The following MFSD6 variants were observed in gnomAD, a reference collection of about 807,000 sequenced individuals.
The protein encoded by MFSD6 is major facilitator superfamily domain containing 6, also known as major facilitator superfamily domain-containing protein 6.
MFSD6 carries 26 observed loss-of-function variants against 56.3 expected under a neutral mutation model. That is an observed-to-expected ratio of 0.46 (90% CI 0.34 to 0.64). The LOEUF is 0.64. Ranked by LOEUF, MFSD6 falls within the 30% of genes least tolerant of loss-of-function variation. The pLI, the probability that MFSD6 is intolerant of heterozygous loss-of-function variation, is 0.01. For missense variants in MFSD6, 750 were observed against 986.2 expected, an observed-to-expected ratio of 0.76 and a Z score of 3.21; for synonymous variants, 331 against 366.9, an observed-to-expected ratio of 0.90 and a Z score of 1.12.
At position 190,488,236 on chromosome 2, in the gene MFSD6, G is replaced by A. The variant is rs1031894459; in HGVS notation, c.1631-421G>A. ...ATTTAAATCAAAGACTCAGATACTT[G>A]CATACCAGGTTGATAGCAGCATTAA... On this transcript the variant is annotated intron_variant, in intron 4 of 7. Coordinates refer to ENST00000392328, the MANE Select transcript of MFSD6 (RefSeq NM_017694.4). This position sits in a 1 kb window ranked among gnomAD's most constrained non-coding sequence, Gnocchi z 6.4. Among the ~76,000 whole-genome samples, 14 of 152,202 alleles carry A rather than the reference G, an allele frequency of 9.2e-5. No homozygotes were observed. Among genetic ancestry groups the A allele is most frequent in the Non-Finnish European group, 2.1e-4 (14 of 68,036 alleles).
rs2125244277 is a variant in MFSD6 at position 190,490,900 on chromosome 2, T to C, written c.1891+1034T>C. Among the ~76,000 whole-genome samples, 1 of 152,350 alleles carries C rather than the reference T, an allele frequency of 6.6e-6. No individual in the cohort carries two copies. On this transcript the variant is annotated intron_variant, in intron 6 of 7. Coordinates refer to ENST00000392328, the MANE Select transcript of MFSD6 (RefSeq NM_017694.4). This position sits in a 1 kb window ranked among gnomAD's most constrained non-coding sequence, Gnocchi z 4.5. ...GAGACAGATTTTAATCTCAATGAGT[T>C]ACTCAGAAAGAGCAATACTGTTTTT...
At position 190,443,476 on chromosome 2, in the gene MFSD6, T is replaced by C. The variant is rs1686458951; in HGVS notation, c.1532+5915T>C. Reference sequence around the variant, plus strand: ...TTTTTTCTGTCAGTCTGATATATTATGCTGTTTATAACTACAAGACCCATT... The same window carrying C: ...TTTTTTCTGTCAGTCTGATATATTACGCTGTTTATAACTACAAGACCCATT... On this transcript the variant is annotated intron_variant, in intron 3 of 7. Transcript: ENST00000392328. This position sits in a 1 kb window ranked among gnomAD's most constrained non-coding sequence, Gnocchi z 4.2. 6.6e-6 allele frequency among the ~76,000 whole-genome samples: 1 copy of C among 152,242 alleles called. No individual in the cohort carries two copies. Among genetic ancestry groups the C allele is most frequent in the African/African-American group, 2.4e-5 (1 of 41,462 alleles).
intron 4 of MFSD6, among the ~76,000 whole-genome samples, chr2:190,482,952 C>T (rs1004921649): frequency 3.9e-5 from 5 of 129,526 alleles, no homozygotes; most frequent in African/African-American, 8.7e-5. Flanking sequence ...ACTGCAGTGG[C>T]GCAATCTCGG....
In MFSD6 at chr2:190,416,167, G is replaced by A. The variant is rs187795280; in HGVS notation, c.-54+754G>A. ...TTCATGATGGCTGATAAGGTCTGAGGAACCTAAATTATAAATTTTTAATTG... is the reference window on the plus strand; with the variant it reads ...TTCATGATGGCTGATAAGGTCTGAGAAACCTAAATTATAAATTTTTAATTG... On this transcript the variant is annotated intron_variant, in intron 2 of 7. Transcript: ENST00000392328. The surrounding 1 kb of genome is among the most constrained non-coding windows in gnomAD (Gnocchi z 4.1). 1.8e-3 allele frequency among the ~76,000 whole-genome samples: 268 copies of A among 152,224 alleles called. No individual in the cohort carries two copies. The highest frequency in any genetic ancestry group is 6.2e-3 in the African/African-American group (259 of 41,530).
rs568476019 is a variant in MFSD6, at chr2:190,455,101, G to C, written c.1533-14657G>C. Reference sequence around the variant, plus strand: ...TGCCCAAAGTCCCTTCTGAGTGGTGGAGTTGGAGACTTTAGCCCAGGTTGT... The same window carrying C: ...TGCCCAAAGTCCCTTCTGAGTGGTGCAGTTGGAGACTTTAGCCCAGGTTGT... On this transcript the variant is annotated intron_variant, in intron 3 of 7. Transcript: ENST00000392328. 3.9e-5 allele frequency among the ~76,000 whole-genome samples: 6 copies of C among 152,156 alleles called. No individual in the cohort carries two copies. The East Asian group carries it at 7.7e-4, about 20-fold the overall frequency.
In MFSD6 at chr2:190,488,525, G is replaced by A; in HGVS notation, c.1631-132G>A. Reference sequence around the variant, plus strand: ...CCGTACATTTAAAAATGTGAAAATGGTAAATTTTTAATGTATGTTTTCCCA... The same window carrying A: ...CCGTACATTTAAAAATGTGAAAATGATAAATTTTTAATGTATGTTTTCCCA... On this transcript the variant is annotated intron_variant, in intron 4 of 7. Transcript: ENST00000392328. This position sits in a 1 kb window ranked among gnomAD's most constrained non-coding sequence, Gnocchi z 6.4. The A allele has an allele frequency of 1.2e-6, 1 of 862,074 alleles. No individual in the cohort carries two copies. Among genetic ancestry groups the A allele is most frequent in the Non-Finnish European group, 1.7e-6 (1 of 604,758 alleles). The allele number at this position is 862,074 out of a possible 1,614,324, so 53.4% of individuals were successfully genotyped here. A position where few individuals can be genotyped will look rare whatever the true frequency, so the allele number is the denominator to read the frequency against.
At chr2:190,468,158 T>A (rs1687703821) in intron 3 of MFSD6, among the ~76,000 whole-genome samples, 1 of 152,198 alleles carries the variant, frequency 6.6e-6, no homozygotes, top group African/African-American at 2.4e-5. Flanking sequence ...GTTTGTTCAA[T>A]AAAAGTTTCA....
chr2:190,427,037 G>A (rs1275829361), intron 2 of MFSD6, among the ~76,000 whole-genome samples: 1 of 152,176 alleles, frequency 6.6e-6, no homozygotes, highest in Non-Finnish European at 1.5e-5. Context: ...TCCTCACATG[G>A]CCTTCAGTGA....
chr2:190,419,092 A>AT (rs1454101258), intron 2 of MFSD6, among the ~76,000 whole-genome samples: 1 of 152,098 alleles, frequency 6.6e-6, no homozygotes, highest in Non-Finnish European at 1.5e-5. Flanking sequence ...AACCTTATAT[A>AT]TTTTTTTCAT....
In MFSD6 at chr2:190,459,156, T is replaced by A. The variant is rs913003800; in HGVS notation, c.1533-10602T>A. Reference sequence around the variant, plus strand: ...TTTTTTCCTCCCTCCATATTGTGGCTCCTTTCTCTTTTGTTTTCGTCAGTG... The same window carrying A: ...TTTTTTCCTCCCTCCATATTGTGGCACCTTTCTCTTTTGTTTTCGTCAGTG... On this transcript the variant is annotated intron_variant, in intron 3 of 7. Transcript: ENST00000392328. This position sits in a 1 kb window ranked among gnomAD's most constrained non-coding sequence, Gnocchi z 5.3. 3.9e-5 allele frequency among the ~76,000 whole-genome samples: 6 copies of A among 152,214 alleles called. No individual in the cohort carries two copies. The highest frequency in any genetic ancestry group is 1.2e-4 in the African/African-American group (5 of 41,462).
At chr2:190,414,059 A>C (rs994785011) in intron 1 of MFSD6, among the ~76,000 whole-genome samples, 1 of 152,116 alleles carries the variant, frequency 6.6e-6, no homozygotes, top group South Asian at 2.1e-4. Context: ...AATCATACAA[A>C]GTGACATGCA....
At chr2:190,478,494 G>A (rs543962719) in intron 4 of MFSD6, among the ~76,000 whole-genome samples, 1 of 152,198 alleles carries the variant, frequency 6.6e-6, no homozygotes, top group Non-Finnish European at 1.5e-5. Context: ...TGACTGAAGA[G>A]GTTTGTTTTG....
chr2:190,497,802 A>G lies in MFSD6; in HGVS notation c.2172+83A>G, dbSNP rs1301629256. 39 of 1,431,118 alleles carry G rather than the reference A, an allele frequency of 2.7e-5. No homozygotes were observed. The highest frequency in any genetic ancestry group is 3.6e-5 in the Non-Finnish European group (38 of 1,052,996). The allele number at this position is 1,431,118 out of a possible 1,614,324, so 88.7% of individuals were successfully genotyped here. On this transcript the variant is annotated intron_variant, in intron 7 of 7. Transcript: ENST00000392328. The surrounding 1 kb of genome is among the most constrained non-coding windows in gnomAD (Gnocchi z 5.2). ...GCTCAGTTTTAATTACTCACTTTTC[A>G]TTCAACAAGATTTATTGAAAGTCTG... is the stretch of plus-strand genomic sequence containing the variant.
At position 190,438,227 on chromosome 2, in the gene MFSD6, T is replaced by A. The variant is rs200450662; in HGVS notation, c.1532+666T>A. Among the ~76,000 whole-genome samples the A allele has an allele frequency of 1.5e-5, 2 of 133,746 alleles. No homozygotes were observed. Among genetic ancestry groups the A allele is most frequent in the African/African-American group, 5.5e-5 (2 of 36,318 alleles). The allele number at this position is 133,746 out of a possible 152,430, so 87.7% of individuals were successfully genotyped here. On this transcript the variant is annotated intron_variant, in intron 3 of 7. Transcript: ENST00000392328. This position sits in a 1 kb window ranked among gnomAD's most constrained non-coding sequence, Gnocchi z 5.2. ...ATTCTTTTAGTTATAAAAAAAAAAA[T>A]CTATAGGCTGGGCACAGTGGCTCAC...
At chr2:190,482,450 A>G (rs989172098) in intron 4 of MFSD6, among the ~76,000 whole-genome samples, 2 of 145,206 alleles carry the variant, frequency 1.4e-5, no homozygotes, top group African/African-American at 2.6e-5. Context: ...GCTTTGGTCT[A>G]TTCATGGGAA....
chr2:190,455,180 A>G (rs1686962829), intron 3 of MFSD6, among the ~76,000 whole-genome samples: 1 of 152,124 alleles, frequency 6.6e-6, no homozygotes, highest in Non-Finnish European at 1.5e-5. Context: ...TATTGGTATC[A>G]TCAAAATAGA....
At position 190,418,231 on chromosome 2, in the gene MFSD6, T is replaced by G. The variant is rs530533412; in HGVS notation, c.-54+2818T>G. Among the ~76,000 whole-genome samples the G allele has an allele frequency of 6.6e-5, 10 of 152,264 alleles. No homozygotes were observed. The highest frequency in any genetic ancestry group is 1.5e-4 in the Non-Finnish European group (10 of 68,018). On this transcript the variant is annotated intron_variant, in intron 2 of 7. Transcript: ENST00000392328. The surrounding 1 kb of genome is among the most constrained non-coding windows in gnomAD (Gnocchi z 4.1). The stretch of plus-strand genomic sequence containing the variant: ...TGGTAAAACTGGGAAAGGAATCATT[T>G]CCACCCCAGAGAACTGTTGTGAGTA...
Position 190,492,061 on chromosome 2 carries a change from T to C in MFSD6, c.1891+2195T>C, listed in dbSNP as rs922673985. On this transcript the variant is annotated intron_variant, in intron 6 of 7. Coordinates refer to ENST00000392328, the MANE Select transcript of MFSD6 (RefSeq NM_017694.4). The surrounding 1 kb of genome is among the most constrained non-coding windows in gnomAD (Gnocchi z 5.2). Reference sequence around the variant, plus strand: ...GAATCGAAGAAGCAGAAGAAAGAACTTCAGAGCTCAAAGACAAGGTTTTTG... The same window carrying C: ...GAATCGAAGAAGCAGAAGAAAGAACCTCAGAGCTCAAAGACAAGGTTTTTG... Among the ~76,000 whole-genome samples the C allele has an allele frequency of 1.3e-5, 2 of 152,202 alleles. No individual in the cohort carries two copies. Among genetic ancestry groups the C allele is most frequent in the South Asian group, 4.1e-4 (2 of 4,822 alleles).
rs888749608 is a variant in MFSD6 at position 190,487,751 on chromosome 2, G to A, written c.1631-906G>A. Among the ~76,000 whole-genome samples the A allele has an allele frequency of 6.6e-6, 1 of 152,190 alleles. No individual in the cohort carries two copies. The highest frequency in any genetic ancestry group is 2.1e-4 in the South Asian group (1 of 4,830). On this transcript the variant is annotated intron_variant, in intron 4 of 7. Transcript: ENST00000392328. The surrounding 1 kb of genome is among the most constrained non-coding windows in gnomAD (Gnocchi z 5.5). Reference sequence around the variant, plus strand: ...TTTAAAAAGATATATATAAGTTCTGGCAAGGAGGTGGAGAAATTGGATCTC... The same window carrying A: ...TTTAAAAAGATATATATAAGTTCTGACAAGGAGGTGGAGAAATTGGATCTC...
Sources: gnomAD v4.1 joint callset for allele counts (sites outside exome capture counted in the v4.1 genomes callset) on GRCh38, gnomAD v4.1.1 for gene constraint, Gnocchi (gnomAD v3.1) non-coding constraint, MANE v1.5 for transcripts, NCBI Gene and HGNC (gene_info 2026-07-23, HGNC 2026-07-21) for gene names.